Variants in EFL1 observed in about 807,000 individuals in gnomAD.
EFL1 encodes the protein elongation factor-like GTPase 1.
In EFL1, 76 loss-of-function variants were observed where a neutral mutation model predicts 126.7. The ratio of observed to expected loss-of-function variants is 0.60; its 90% CI spans 0.50 to 0.73. EFL1 has a LOEUF of 0.73. EFL1 is among the 30% of genes least tolerant of loss of function. The probability of loss-of-function intolerance (pLI) is 0.00; values close to 1 mark genes in which losing one functional copy is unlikely to be tolerated. For synonymous variants in EFL1, 410 were observed against 448.4 expected (o/e 0.91, Z 1.08); for missense variants, 1,128 against 1,343.2 (o/e 0.84, Z 2.50).
intron 17 of EFL1, among the ~76,000 whole-genome samples, chr15:82,155,180 T>C (rs1442719711): frequency 6.6e-6 from 1 of 152,130 alleles, no homozygotes; most frequent in East Asian, 1.9e-4. Context: ...AATGTTTGAG[T>C]TGTTTCCAAC....
intron 15 of EFL1, among the ~76,000 whole-genome samples, chr15:82,169,980 C>T (rs1032688782): frequency 1.3e-5 from 2 of 151,848 alleles, no homozygotes; most frequent in Non-Finnish European, 2.9e-5. Context: ...ACTTTTTGTT[C>T]ATGTGAAGAC....
At chr15:82,223,342 A>G (rs2074731043) in intron 12 of EFL1, among the ~76,000 whole-genome samples, 1 of 152,210 alleles carries the variant, frequency 6.6e-6, no homozygotes, top group South Asian at 2.1e-4. Flanking sequence ...TGAAAACACT[A>G]TATTATTATG....
intron 18 of EFL1, among the ~76,000 whole-genome samples, chr15:82,142,460 A>G (rs77006439): frequency 5.3e-5 from 8 of 152,166 alleles, no homozygotes; most frequent in Admixed American, 5.2e-4. Context: ...ACTGTACTCC[A>G]GCCTGGGTGA....
At chr15:82,212,536 T>C (rs2074601149) in intron 15 of EFL1, among the ~76,000 whole-genome samples, 1 of 152,254 alleles carries the variant, frequency 6.6e-6, no homozygotes, top group South Asian at 2.1e-4. Flanking sequence ...ACTATATGTT[T>C]CAATTCAAAA....
At position 82,152,399 on chromosome 15, in the gene EFL1, T is replaced by A; in HGVS notation, c.2055A>T (p.Val685=). Residue 685 remains valine (V), a synonymous_variant, in exon 18 of 20, where the codon GTA becomes GTT. Transcript: ENST00000268206. ...KERFAKIHIS[V]SEPIIPFRET... is the part of the protein sequence containing the mutation. ...CTCTGAATGGAATAATAGGTTCAGA[T>A]ACACTGATATGAATCTTTGCAAACC... 6.2e-7 allele frequency: 1 copy of A among 1,610,466 alleles called. No homozygotes were observed. Among genetic ancestry groups the A allele is most frequent in the Non-Finnish European group, 8.5e-7 (1 of 1,179,392 alleles).
intron 15 of EFL1, among the ~76,000 whole-genome samples, chr15:82,190,265 C>A (rs1382238099): frequency 6.6e-6 from 1 of 152,144 alleles, no homozygotes; most frequent in Non-Finnish European, 1.5e-5. Flanking sequence ...TTAATTTCCA[C>A]TAACTTTTTC....
chr15:82,256,382 C>T (rs1305994986), intron 3 of EFL1, among the ~76,000 whole-genome samples: 1 of 152,192 alleles, frequency 6.6e-6, no homozygotes, highest in African/African-American at 2.4e-5. Flanking sequence ...TATCCTGAAA[C>T]CTGCCAAATT....
At position 82,130,281 on chromosome 15, in the gene EFL1, A is replaced by G. The variant is rs2141202841; in HGVS notation, c.*92T>C. On this transcript the variant is annotated 3_prime_UTR_variant, in exon 20 of 20. Transcript: ENST00000268206. ...CTTTATTGAAAGTGAATAAACAGAG[A>G]TAATGTGGCAAAAAGAAATTTTCCC... is the stretch of plus-strand genomic sequence containing the variant. 7 of 1,302,012 alleles carry G rather than the reference A, an allele frequency of 5.4e-6. No individual in the cohort carries two copies. The South Asian group carries it at 7.5e-5, about 14-fold the overall frequency. The allele number at this position is 1,302,012 out of a possible 1,614,324, so 80.7% of individuals were successfully genotyped here. A position where few individuals can be genotyped will look rare whatever the true frequency, so the allele number is the denominator to read the frequency against.
At chr15:82,175,600 G>A (rs1008579350) in intron 15 of EFL1, among the ~76,000 whole-genome samples, 1 of 151,950 alleles carries the variant, frequency 6.6e-6, no homozygotes, top group African/African-American at 2.4e-5. Context: ...AGTATTGGCC[G>A]GGTGCAGTGG....
chr15:82,261,956 C>T (rs1225098034), intron 1 of EFL1, 159 bp from the exon 2 acceptor site: 6 of 566,860 alleles, frequency 1.1e-5, no homozygotes, highest in African/African-American at 3.7e-5. Context: ...AGGCCTAAGT[C>T]CAGTTCGAGC....
At chr15:82,160,698 T>C (rs1212428679) in intron 16 of EFL1, among the ~76,000 whole-genome samples, 1 of 152,304 alleles carries the variant, frequency 6.6e-6, no homozygotes, top group East Asian at 1.9e-4. Flanking sequence ...AGAAACAAAT[T>C]ACTCTGCTCA....
At chr15:82,221,734 T>A (rs2074714230) in intron 12 of EFL1, among the ~76,000 whole-genome samples, 2 of 152,326 alleles carry the variant, frequency 1.3e-5, no homozygotes, top group African/African-American at 4.8e-5. Context: ...CTGCTGGCAC[T>A]AGGGGGCCAC....
intron 4 of EFL1, among the ~76,000 whole-genome samples, chr15:82,245,002 A>G (rs2074958501): frequency 6.6e-6 from 1 of 152,178 alleles, no homozygotes; most frequent in Non-Finnish European, 1.5e-5. Flanking sequence ...GACAACAAAA[A>G]TAACAGAAAT....
At chr15:82,255,103 T>C (rs2075055822) in intron 3 of EFL1, among the ~76,000 whole-genome samples, 1 of 152,248 alleles carries the variant, frequency 6.6e-6, no homozygotes, top group Non-Finnish European at 1.5e-5. Flanking sequence ...TCCAAATTAT[T>C]TTCCAAATTG....
At chr15:82,259,276 T>C (rs1596015469) in intron 2 of EFL1, 121 bp from the exon 3 acceptor site, 2 of 828,738 alleles carry the variant, frequency 2.4e-6, no homozygotes. Flanking sequence ...TATTTACCTA[T>C]GCTAGGTGAC....
In EFL1 at chr15:82,138,425, A is replaced by AGAGAGTGTGT. The variant is rs751682963; in HGVS notation, c.3174+232_3174+233insACACACTCTC. ...GGACAAATGAGAGAGAGAGAGAGAGAGTGTATGTGTGTGTGTGTGTGTGTG... is the reference window on the plus strand; with the variant it reads ...GGACAAATGAGAGAGAGAGAGAGAGAGAGAGTGTGTGTGTATGTGTGTGTGTGTGTGTGTG... On this transcript the variant is annotated intron_variant, in intron 19 of 19. Transcript: ENST00000268206. Among the ~76,000 whole-genome samples, 9 of 46,250 alleles carry AGAGAGTGTGT rather than the reference A, an allele frequency of 1.9e-4. No homozygotes were observed. The South Asian group carries it at 2.1e-3, about 11-fold the overall frequency. 30.3% of individuals were successfully genotyped at this position (46,250 alleles called of 152,430 possible).
chr15:82,149,349 A>G (rs2073883719), intron 18 of EFL1, among the ~76,000 whole-genome samples: 1 of 152,232 alleles, frequency 6.6e-6, no homozygotes, highest in African/African-American at 2.4e-5. Context: ...AATTACCAAA[A>G]ATTTGGATTC....
chr15:82,173,131 A>G (rs1308390334), intron 15 of EFL1, among the ~76,000 whole-genome samples: 1 of 152,112 alleles, frequency 6.6e-6, no homozygotes, highest in Non-Finnish European at 1.5e-5. Flanking sequence ...GCACCCTTCA[A>G]TATCCACCAA....
chr15:82,161,941 C>T (rs561760088), intron 16 of EFL1, among the ~76,000 whole-genome samples: 11 of 152,228 alleles, frequency 7.2e-5, no homozygotes, highest in African/African-American at 2.6e-4. Context: ...AGCACATAAC[C>T]ATAACAGAGC....
Sources: gnomAD v4.1 joint callset for allele counts (sites outside exome capture counted in the v4.1 genomes callset) on GRCh38, gnomAD v4.1.1 for gene constraint, MANE v1.5 for transcripts, NCBI Gene and HGNC (gene_info 2026-07-23, HGNC 2026-07-21) for gene names.